EYS: variants seen among roughly 807,000 people sequenced by gnomAD.
The protein encoded by EYS is EGF-like photoreceptor maintenance factor, also known as protein eyes shut homolog.
In EYS, 250 loss-of-function variants were observed where a neutral mutation model predicts 282.1. The ratio of observed to expected loss-of-function variants is 0.89; its 90% CI spans 0.80 to 0.98. The LOEUF is 0.98. Among genes scored for constraint, EYS ranks in the 50% least tolerant of loss-of-function variants. EYS has a pLI of 0.00. For synonymous variants in EYS, 1,355 were observed against 1,282.9 expected, an observed-to-expected ratio of 1.06 and a Z score of -1.20; for missense variants, 4,016 against 3,709.0, an observed-to-expected ratio of 1.08 and a Z score of -2.15.
intron 22 of EYS, among the ~76,000 whole-genome samples, chr6:64,766,808 A>G (rs1467619448): frequency 2.0e-5 from 3 of 150,348 alleles, no homozygotes; most frequent in Non-Finnish European, 3.0e-5. Flanking sequence ...AATCATTTGA[A>G]CAGAATTTGA....
chr6:64,446,602 A>G (rs900738305), intron 26 of EYS, among the ~76,000 whole-genome samples: 4 of 151,998 alleles, frequency 2.6e-5, no homozygotes, highest in Non-Finnish European at 4.4e-5. Context: ...AAAATTCTAT[A>G]TCAATTTTTA....
At chr6:64,919,419 C>CTTTTTTTT (rs370375636) in intron 15 of EYS, among the ~76,000 whole-genome samples, 2 of 135,510 alleles carry the variant, frequency 1.5e-5, no homozygotes, top group Non-Finnish European at 3.1e-5. Flanking sequence ...TTCTTTTTTT[C>CTTTTTTTT]TTTTTTTTTT....
At chr6:63,741,866 T>C (rs1324193834) in intron 41 of EYS, 2 of 699,724 alleles carry the variant, frequency 2.9e-6, no homozygotes, top group Non-Finnish European at 5.2e-6. Flanking sequence ...ACTAGGGTAG[T>C]CAGGGTAGTC....
intron 31 of EYS, among the ~76,000 whole-genome samples, chr6:64,220,138 A>G (rs1741011697): frequency 6.6e-6 from 1 of 152,174 alleles, no homozygotes; most frequent in Non-Finnish European, 1.5e-5. Context: ...ATATGTAACA[A>G]ACCTGCACAT....
intron 12 of EYS, among the ~76,000 whole-genome samples, chr6:65,111,398 G>A (rs1376762676): frequency 2.6e-5 from 4 of 152,012 alleles, no homozygotes; most frequent in African/African-American, 4.8e-5. Context: ...AATTTATTGA[G>A]AAAACTTCCT....
intron 2 of EYS, among the ~76,000 whole-genome samples, chr6:65,528,604 G>T (rs1767652733): frequency 6.6e-6 from 1 of 152,164 alleles, no homozygotes; most frequent in Non-Finnish European, 1.5e-5. Context: ...CAGCAAGAAG[G>T]CCCTTGACAA....
intron 29 of EYS, among the ~76,000 whole-genome samples, chr6:64,349,103 T>C (rs981167891): frequency 1.3e-5 from 2 of 151,408 alleles, no homozygotes; most frequent in Non-Finnish European, 3.0e-5. Flanking sequence ...AATCTTTTCA[T>C]CAACATCAGC....
intron 30 of EYS, among the ~76,000 whole-genome samples, chr6:64,231,638 C>T (rs375033687): frequency 8.5e-5 from 13 of 152,220 alleles, no homozygotes; most frequent in African/African-American, 2.4e-4. Flanking sequence ...TTGTCCCTGG[C>T]CCAACAAGAT....
intron 35 of EYS, among the ~76,000 whole-genome samples, chr6:63,945,128 C>T (rs1014595299): frequency 6.6e-5 from 10 of 151,958 alleles, no homozygotes; most frequent in Admixed American, 1.3e-4. Flanking sequence ...AAGGAATACC[C>T]GAGACTGGGT....
intron 26 of EYS, among the ~76,000 whole-genome samples, chr6:64,463,730 T>A (rs1045640019): frequency 6.6e-5 from 10 of 152,076 alleles, no homozygotes; most frequent in Admixed American, 2.6e-4. Flanking sequence ...AAAGACACAT[T>A]ACAAATAATA....
At chr6:65,532,140 TTTAATTTAAACAATTA>T (rs1767795623) in intron 2 of EYS, among the ~76,000 whole-genome samples, 1 of 152,150 alleles carries the variant, frequency 6.6e-6, no homozygotes, top group Admixed American at 6.5e-5. Flanking sequence ...TGTTTTTTAT[TTTAATTTAAACAATTA>T]TTGAACTCAA....
chr6:63,810,607 T>G (rs935811456), intron 36 of EYS, among the ~76,000 whole-genome samples: 4 of 152,320 alleles, frequency 2.6e-5, no homozygotes, highest in East Asian at 3.9e-4. Flanking sequence ...ATTTCACTTT[T>G]CTGTTTTAGT....
intron 40 of EYS, among the ~76,000 whole-genome samples, chr6:63,765,519 G>C (rs1342340926): frequency 2.5e-4 from 38 of 151,728 alleles, no homozygotes; most frequent in Admixed American, 2.5e-3. Context: ...ACTTTTGTGG[G>C]TACATAGTAG....
rs2150076920 is a variant in EYS, at chr6:64,912,707, A to G, written c.2418T>C (p.Cys806=). 1.3e-6 allele frequency: 2 copies of G among 1,503,916 alleles called. No homozygotes were observed. The highest frequency in any genetic ancestry group is 1.3e-5 in the South Asian group (1 of 76,642). 93.2% of individuals were successfully genotyped at this position (1,503,916 alleles called of 1,614,324 possible). The change falls in exon 16 of 43, where the codon TGT becomes TGC. Residue 806 remains cysteine (C), a synonymous_variant. Transcript: ENST00000503581. ...ECTSGWTGQN[C]SEEINECDSD... ...AGTCGCATTCATTTATTTCTTCACT[A>G]CAGTTCTGTCCAGTCCATCCAGATG...
intron 9 of EYS, among the ~76,000 whole-genome samples, chr6:65,348,378 A>G (rs1327260014): frequency 2.0e-5 from 3 of 151,574 alleles, no homozygotes; most frequent in African/African-American, 7.3e-5. Context: ...CCTTTTCTAT[A>G]CATTCCTGCT....
At chr6:65,472,705 C>T (rs992424948) in intron 5 of EYS, among the ~76,000 whole-genome samples, 3 of 151,920 alleles carry the variant, frequency 2.0e-5, no homozygotes, top group African/African-American at 7.2e-5. Context: ...CACTAAACTA[C>T]GTATATTTCT....
At position 64,804,945 on chromosome 6, in the gene EYS, C is replaced by T. The variant is rs1166252310; in HGVS notation, c.3443+8433G>A. ...AGAACTTCTGAAGGAAATACAGGTA[C>T]AGCTATGATTTCTCAATTTTCAAAT... On this transcript the variant is annotated intron_variant, in intron 22 of 42. Coordinates refer to ENST00000503581, the MANE Select transcript of EYS (RefSeq NM_001142800.2). Among the ~76,000 whole-genome samples, 5 of 152,120 alleles carry T rather than the reference C, an allele frequency of 3.3e-5. No individual in the cohort carries two copies. In the South Asian group the frequency reaches 8.3e-4, roughly 25 times the overall value.
chr6:64,395,795 A>G (rs1165862268), intron 28 of EYS, among the ~76,000 whole-genome samples: 2 of 150,642 alleles, frequency 1.3e-5, no homozygotes, highest in African/African-American at 4.9e-5. Context: ...AAAAAAAAAG[A>G]AAAAAAAACA....
chr6:64,196,620 C>G (rs899996765), intron 31 of EYS, among the ~76,000 whole-genome samples: 3 of 151,930 alleles, frequency 2.0e-5, no homozygotes, highest in Non-Finnish European at 2.9e-5. Flanking sequence ...TGGAAATCAT[C>G]ATTCTCAGTA....
Sources: gnomAD v4.1 joint callset for allele counts (sites outside exome capture counted in the v4.1 genomes callset) on GRCh38, gnomAD v4.1.1 for gene constraint, MANE v1.5 for transcripts, NCBI Gene and HGNC (gene_info 2026-07-23, HGNC 2026-07-21) for gene names.